Variants in PDE3A observed in about 807,000 individuals in gnomAD.
PDE3A encodes cGMP-inhibited 3',5'-cyclic phosphodiesterase 3A.
Under a neutral mutation model 98.3 loss-of-function variants are expected in PDE3A, and 43 were observed. The observed-to-expected ratio is 0.44, with a 90% CI of 0.34 to 0.56. The LOEUF (loss-of-function observed/expected upper bound fraction) is 0.56. Ranked by LOEUF, PDE3A falls within the 20% of genes least tolerant of loss-of-function variation. The probability of loss-of-function intolerance (pLI) is 0.01; values close to 1 mark genes in which losing one functional copy is unlikely to be tolerated. For missense variants in PDE3A, 1,427 were observed against 1,440.7 expected (o/e 0.99, Z 0.15); for synonymous variants, 663 against 567.9 (o/e 1.17, Z -2.38).
intron 1 of PDE3A, among the ~76,000 whole-genome samples, 170 bp downstream of exon 1, chr12:20,370,414 T>TG (rs1385192189): frequency 2.0e-5 from 3 of 149,760 alleles, no homozygotes; most frequent in Admixed American, 6.6e-5. Context: ...TTTTTGTTTT[T>TG]TTTTTTTTGT....
intron 1 of PDE3A, among the ~76,000 whole-genome samples, chr12:20,551,347 A>C (rs1942191333): frequency 6.6e-6 from 1 of 151,992 alleles, no homozygotes; most frequent in South Asian, 2.1e-4. Flanking sequence ...ATTTGTGCAA[A>C]TACTCTAAAG....
rs1266765806 is a variant in PDE3A at position 20,653,928 on chromosome 12, A to G, written c.2926-19A>G. ...CAGATGCCAGGTGAATGTTGACTTC[A>G]CTTGTATTTTATTTCTAGGGTGATG... On this transcript the variant is annotated intron_variant, in intron 14 of 15. Transcript: ENST00000359062. 1 of 1,609,486 alleles carries G rather than the reference A, an allele frequency of 6.2e-7. No individual in the cohort carries two copies. Among genetic ancestry groups the G allele is most frequent in the East Asian group, 2.2e-5 (1 of 44,802 alleles).
intron 15 of PDE3A, among the ~76,000 whole-genome samples, chr12:20,676,646 C>T (rs1010864240): frequency 6.6e-5 from 10 of 151,860 alleles, no homozygotes; most frequent in African/African-American, 4.8e-5. Flanking sequence ...ACTACAGGCA[C>T]ACGCCACCAT....
intron 2 of PDE3A, among the ~76,000 whole-genome samples, chr12:20,586,721 A>T (rs1943205376): frequency 1.3e-5 from 2 of 152,234 alleles, no homozygotes; most frequent in Admixed American, 6.5e-5. Flanking sequence ...CAAAAAGTGA[A>T]AAAGCAAAAC....
rs1943436242 is a variant in PDE3A at position 20,370,025 on chromosome 12, G to A, written c.741G>A (p.Leu247=). 3.1e-6 allele frequency: 5 copies of A among 1,612,996 alleles called. No individual in the cohort carries two copies. The highest frequency in any genetic ancestry group is 4.2e-6 in the Non-Finnish European group (5 of 1,179,916). The part of the protein sequence containing the change: ...RPYLAYLAGV[L]GILLARYVEQ... The stretch of plus-strand genomic sequence containing the variant: ...ACCTGGCGTACCTGGCCGGCGTGCT[G>A]GGGATCCTCTTGGCCAGGTACGTGG... Residue 247 remains leucine, a synonymous_variant, in exon 1 of 16, where the codon CTG becomes CTA. Coordinates refer to ENST00000359062, the MANE Select transcript of PDE3A (RefSeq NM_000921.5).
chr12:20,478,278 G>A (rs1385662927), intron 1 of PDE3A, among the ~76,000 whole-genome samples: 1 of 152,094 alleles, frequency 6.6e-6, no homozygotes, highest in Non-Finnish European at 1.5e-5. Context: ...ATTCAAAACA[G>A]GATACTGAGG....
At position 20,584,460 on chromosome 12, in the gene PDE3A, C is replaced by G. The variant is rs546517419; in HGVS notation, c.1011+27750C>G. Among the ~76,000 whole-genome samples the G allele has an allele frequency of 4.1e-3, 618 of 152,258 alleles. 2 individuals carry two copies. Among genetic ancestry groups the G allele is most frequent in the Non-Finnish European group, 7.4e-3 (506 of 68,006 alleles). The stretch of plus-strand genomic sequence containing the variant: ...TATTTATAAAGTTTAGTAGCATTTT[C>G]CCCAAATATCAGAACCTCCTTTTTA... On this transcript the variant is annotated intron_variant, in intron 2 of 15. Coordinates refer to ENST00000359062, the MANE Select transcript of PDE3A (RefSeq NM_000921.5).
intron 5 of PDE3A, among the ~76,000 whole-genome samples, chr12:20,626,006 G>C (rs76156615): frequency 6.6e-6 from 1 of 151,916 alleles, no homozygotes; most frequent in Non-Finnish European, 1.5e-5. Context: ...CATGTTTATC[G>C]GAATCTCTTC....
At position 20,671,185 on chromosome 12, in the gene PDE3A, T is replaced by C. The variant is rs369691286; in HGVS notation, c.3185-8845T>C. Among the ~76,000 whole-genome samples, 8 of 147,544 alleles carry C rather than the reference T, an allele frequency of 5.4e-5. No homozygotes were observed. The South Asian group carries it at 1.7e-3, about 31-fold the overall frequency. On this transcript the variant is annotated intron_variant, in intron 15 of 15. Coordinates refer to ENST00000359062, the MANE Select transcript of PDE3A (RefSeq NM_000921.5). ...ATCTCTGAATAGACCAATAACAGGA[T>C]CTGAAATTGTGGCAATAATCAATAG...
chr12:20,602,497 A>G (rs1943615744), intron 2 of PDE3A, among the ~76,000 whole-genome samples: 1 of 152,224 alleles, frequency 6.6e-6, no homozygotes, highest in East Asian at 1.9e-4. Flanking sequence ...AGGGACTTGT[A>G]TAAGGACAGA....
chr12:20,491,782 T>C (rs1003755935), intron 1 of PDE3A, among the ~76,000 whole-genome samples: 14 of 152,222 alleles, frequency 9.2e-5, no homozygotes, highest in Non-Finnish European at 1.8e-4. Context: ...AAGTGGATTG[T>C]CTGCCTTAGC....
chr12:20,500,398 T>C (rs1945999744), intron 1 of PDE3A, among the ~76,000 whole-genome samples: 1 of 152,154 alleles, frequency 6.6e-6, no homozygotes, highest in South Asian at 2.1e-4. Context: ...AAATAGCATT[T>C]TGTGTACATT....
chr12:20,559,513 GTAA>G (rs1942459452), intron 2 of PDE3A, among the ~76,000 whole-genome samples: 1 of 145,128 alleles, frequency 6.9e-6, no homozygotes, highest in Non-Finnish European at 1.5e-5. Context: ...AATAATAATA[GTAA>G]TAATAATAAG....
At chr12:20,668,192 G>A (rs900611002) in intron 15 of PDE3A, among the ~76,000 whole-genome samples, 2 of 152,184 alleles carry the variant, frequency 1.3e-5, no homozygotes, top group Non-Finnish European at 2.9e-5. Flanking sequence ...TGGCTTGGAG[G>A]GTCCTACGCC....
At chr12:20,444,010 G>C (rs1294228058) in intron 1 of PDE3A, among the ~76,000 whole-genome samples, 1 of 152,158 alleles carries the variant, frequency 6.6e-6, no homozygotes, top group Non-Finnish European at 1.5e-5. Flanking sequence ...TGCAGGACTG[G>C]TTTATATAGC....
chr12:20,433,599 A>G (rs1257983190), intron 1 of PDE3A, among the ~76,000 whole-genome samples: 5 of 152,194 alleles, frequency 3.3e-5, no homozygotes, highest in Non-Finnish European at 7.3e-5. Flanking sequence ...AATAAATTCA[A>G]GACTCAAGTT....
intron 1 of PDE3A, among the ~76,000 whole-genome samples, chr12:20,481,788 A>ATTTTTTTTTTTTT: frequency 5.5e-4 from 1 of 1,816 alleles, no homozygotes; most frequent in African/African-American, 1.4e-3. Flanking sequence ...TTTTTTTTTG[A>ATTTTTTTTTTTTT]GCAGAGTCTC....
intron 1 of PDE3A, among the ~76,000 whole-genome samples, chr12:20,507,339 A>G (rs567044267): frequency 6.6e-6 from 1 of 152,188 alleles, no homozygotes; most frequent in Admixed American, 6.6e-5. Flanking sequence ...CAAGTCTGTA[A>G]AAACTAGAAG....
chr12:20,370,102 C>CA lies in PDE3A; in HGVS notation c.818_819insA (p.Gln274ProfsTer14). The CA allele has an allele frequency of 2.5e-6, 4 of 1,613,164 alleles. No homozygotes were observed. The highest frequency in any genetic ancestry group is 3.4e-6 in the Non-Finnish European group (4 of 1,179,872). ...GCGGCTCCAAGGGAGCATTTGGGGT[C>CA]CCAGCTGATTGCTGGGACCAAGGAA... On this transcript the variant is annotated frameshift_variant, in exon 1 of 16. Transcript: ENST00000359062. LOFTEE classifies it high-confidence loss of function.
Sources: gnomAD v4.1 joint callset for allele counts (sites outside exome capture counted in the v4.1 genomes callset) on GRCh38, gnomAD v4.1.1 for gene constraint, MANE v1.5 for transcripts, NCBI Gene and HGNC (gene_info 2026-07-23, HGNC 2026-07-21) for gene names.